The following INSYN2B variants were observed in gnomAD, a reference collection of about 807,000 sequenced individuals.
The protein encoded by INSYN2B is inhibitory synaptic factor family member 2B, also known as protein INSYN2B.
A neutral mutation model predicts 41.2 loss-of-function variants in INSYN2B; 16 were observed. The ratio of observed to expected loss-of-function variants is 0.39; its 90% CI spans 0.26 to 0.59. The LOEUF (loss-of-function observed/expected upper bound fraction) is 0.59. Among genes scored for constraint, INSYN2B ranks in the 20% least tolerant of loss-of-function variants. The pLI is 0.57. For synonymous variants in INSYN2B, 245 were observed against 244.4 expected (o/e 1.00, Z -0.02); for missense variants, 608 against 646.4 (o/e 0.94, Z 0.64).
intron 1 of INSYN2B, among the ~76,000 whole-genome samples, chr5:169,919,626 C>A (rs1395427702): frequency 6.6e-6 from 1 of 152,122 alleles, no homozygotes; most frequent in Admixed American, 6.5e-5. Context: ...GTTTCCCTGG[C>A]GTATTTTTGT....
chr5:169,933,231 C>G (rs1427146889), intron 1 of INSYN2B, among the ~76,000 whole-genome samples: 1 of 152,244 alleles, frequency 6.6e-6, no homozygotes, highest in Admixed American at 6.5e-5. Flanking sequence ...GTTCTGTTTA[C>G]TAGTAGCTTC....
At chr5:169,898,242 C>T (rs1403678328) in intron 1 of INSYN2B, among the ~76,000 whole-genome samples, 1 of 152,208 alleles carries the variant, frequency 6.6e-6, no homozygotes, top group Non-Finnish European at 1.5e-5. Flanking sequence ...TGCCCATCAA[C>T]TGGCTGCCAT....
intron 3 of INSYN2B, among the ~76,000 whole-genome samples, chr5:169,867,053 T>G (rs1301359698): frequency 6.6e-6 from 1 of 152,234 alleles, no homozygotes; most frequent in Non-Finnish European, 1.5e-5. Flanking sequence ...TCTTTGGGTT[T>G]GATTAATTTG....
chr5:169,925,992 G>A (rs528542841), intron 1 of INSYN2B, among the ~76,000 whole-genome samples: 48 of 152,262 alleles, frequency 3.2e-4, no homozygotes, highest in African/African-American at 8.2e-4. Context: ...CCAGGAGCTC[G>A]CAACACACCC....
intron 1 of INSYN2B, among the ~76,000 whole-genome samples, chr5:169,966,119 G>T (rs1777288970): frequency 6.6e-6 from 1 of 152,172 alleles, no homozygotes; most frequent in South Asian, 2.1e-4. Context: ...AAGTTGTAAG[G>T]CCTTTAAAAT....
At chr5:169,971,718 G>A (rs184753974) in intron 1 of INSYN2B, among the ~76,000 whole-genome samples, 224 of 152,312 alleles carry the variant, frequency 1.5e-3, no homozygotes, top group African/African-American at 5.1e-3. Context: ...AGCAGAGCTG[G>A]CCTGAAGGCA....
rs1380536849 is a variant in INSYN2B, at chr5:169,883,841, A to T, written c.58T>A (p.Ser20Thr). 1 of 1,543,770 alleles carries T rather than the reference A, an allele frequency of 6.5e-7. No homozygotes were observed. The change falls in exon 2 of 4, where the codon TCA becomes ACA. Residue 20 changes from serine to threonine, a missense_variant. Transcript: ENST00000377365. Reference sequence around the variant, plus strand: ...TGAGGTTGTTTCACAAACTCCACTGATTCTAGACTGTTACGCTTTAGAAGC... The same window carrying T: ...TGAGGTTGTTTCACAAACTCCACTGTTTCTAGACTGTTACGCTTTAGAAGC... ...PVLLKRNSLE[S>T]VEFVKQPHHR...
rs575957877 is a variant in INSYN2B, at chr5:169,892,926, GC to G, written c.-918-8111del. Among the ~76,000 whole-genome samples, 444 of 151,790 alleles carry G rather than the reference GC, an allele frequency of 2.9e-3. 5 individuals are homozygous for G. The highest frequency in any genetic ancestry group is 0.01 in the African/African-American group (419 of 41,370). ...CCCTTCTTCTCTTCTGTTTTCTCCA[GC>G]ATGGCTCCCCATTTCATTTCTCCCC... On this transcript the variant is annotated intron_variant, in intron 1 of 3. Transcript: ENST00000377365.
Position 169,862,768 on chromosome 5 carries a change from C to T in INSYN2B, c.*1505G>A, listed in dbSNP as rs1486632406. On this transcript the variant is annotated 3_prime_UTR_variant, in exon 4 of 4. Coordinates refer to ENST00000377365, the MANE Select transcript of INSYN2B (RefSeq NM_001129891.3). ...AGCTTTGTTCACTGCATCACTATGA[C>T]AGGGGAAGGTGAAACCATCGGAGTG... 6.6e-6 allele frequency among the ~76,000 whole-genome samples: 1 copy of T among 152,184 alleles called. No homozygotes were observed. The highest frequency in any genetic ancestry group is 1.5e-5 in the Non-Finnish European group (1 of 68,046).
chr5:169,932,599 G>C (rs1775808061), intron 1 of INSYN2B, among the ~76,000 whole-genome samples: 1 of 152,162 alleles, frequency 6.6e-6, no homozygotes, highest in Admixed American at 6.5e-5. Flanking sequence ...TGACCACAAG[G>C]TGAGGGCCAG....
intron 1 of INSYN2B, among the ~76,000 whole-genome samples, chr5:169,894,947 C>T (rs148200708): frequency 6.6e-6 from 1 of 152,296 alleles, no homozygotes; most frequent in African/African-American, 2.4e-5. Flanking sequence ...GTTGTGGCCC[C>T]CCGTGAGGTC....
At chr5:169,916,212 C>A (rs1193949411) in intron 1 of INSYN2B, among the ~76,000 whole-genome samples, 2 of 152,178 alleles carry the variant, frequency 1.3e-5, no homozygotes, top group Non-Finnish European at 2.9e-5. Context: ...GGGATTCATA[C>A]GGAACCTCTT....
chr5:169,881,551 CTGAAGTTG>C (rs1772649344), intron 2 of INSYN2B, 109 bp from the exon 3 acceptor site: 3 of 793,266 alleles, frequency 3.8e-6, no homozygotes, highest in South Asian at 1.5e-5. Context: ...TCACGGTGCT[CTGAAGTTG>C]CACGGCCATT....
chr5:169,868,476 A>G (rs1771734773), intron 3 of INSYN2B, among the ~76,000 whole-genome samples: 1 of 152,228 alleles, frequency 6.6e-6, no homozygotes, highest in Non-Finnish European at 1.5e-5. Flanking sequence ...TAATAAAAAT[A>G]GGCTGGGCGC....
intron 1 of INSYN2B, among the ~76,000 whole-genome samples, chr5:169,890,722 G>A (rs1773231817): frequency 6.6e-6 from 1 of 152,062 alleles, no homozygotes; most frequent in Admixed American, 6.5e-5. Flanking sequence ...ATATATTTGG[G>A]ACCCTGAAAG....
At chr5:169,934,477 G>A (rs185425005) in intron 1 of INSYN2B, among the ~76,000 whole-genome samples, 1 of 152,282 alleles carries the variant, frequency 6.6e-6, no homozygotes, top group East Asian at 1.9e-4. Context: ...GTAGTAAGAG[G>A]TGCATGCACA....
rs541179165 is a variant in INSYN2B at position 169,912,617 on chromosome 5, G to GTATA, written c.-918-27802_-918-27801insTATA. ...TTTATGTGCCACTGTGTGTGGTGGA[G>GTATA]TGTATGTGTGTGTGTGTGTGTGTGA... is the stretch of plus-strand genomic sequence containing the variant. On this transcript the variant is annotated intron_variant, in intron 1 of 3. Coordinates refer to ENST00000377365, the MANE Select transcript of INSYN2B (RefSeq NM_001129891.3). Among the ~76,000 whole-genome samples the GTATA allele has an allele frequency of 9.7e-3, 1,153 of 118,680 alleles. 6 individuals carry two copies. The highest frequency in any genetic ancestry group is 0.016 in the Middle Eastern group (4 of 246). The allele number at this position is 118,680 out of a possible 152,430, so 77.9% of individuals were successfully genotyped here.
At chr5:169,898,597 T>C (rs1773748569) in intron 1 of INSYN2B, among the ~76,000 whole-genome samples, 1 of 152,148 alleles carries the variant, frequency 6.6e-6, no homozygotes, top group Admixed American at 6.5e-5. Flanking sequence ...AATGAAAGAA[T>C]GACAGTTAAG....
At chr5:169,908,406 C>T (rs1172360452) in intron 1 of INSYN2B, among the ~76,000 whole-genome samples, 2 of 152,178 alleles carry the variant, frequency 1.3e-5, no homozygotes, top group East Asian at 1.9e-4. Context: ...ATGCTTTCCC[C>T]TGCTCCATGT....
Sources: gnomAD v4.1 joint callset for allele counts (sites outside exome capture counted in the v4.1 genomes callset) on GRCh38, gnomAD v4.1.1 for gene constraint, MANE v1.5 for transcripts, NCBI Gene and HGNC (gene_info 2026-07-23, HGNC 2026-07-21) for gene names.